The following PTER variants were observed in gnomAD, a reference collection of about 807,000 sequenced individuals.
PTER encodes N-acetyltaurine hydrolase.
In PTER, 38 loss-of-function variants were observed where a neutral mutation model predicts 29.6. The observed-to-expected ratio is 1.28, with a 90% confidence interval of 0.99 to 1.68. The LOEUF is 1.68. PTER is among the 40% of genes most tolerant of loss of function. The pLI is 0.00. For synonymous variants in PTER, 172 were observed against 154.5 expected, an observed-to-expected ratio of 1.11 and a Z score of -0.84; for missense variants, 482 against 427.8, an observed-to-expected ratio of 1.13 and a Z score of -1.12.
chr10:16,503,540 G>A (rs1836444980), intron 3 of PTER, among the ~76,000 whole-genome samples: 1 of 152,074 alleles, frequency 6.6e-6, no homozygotes, highest in Non-Finnish European at 1.5e-5. Flanking sequence ...AAGTAGCTGG[G>A]ATTACAGGCA....
intron 1 of PTER, among the ~76,000 whole-genome samples, chr10:16,440,752 G>A (rs1833821772): frequency 6.6e-6 from 1 of 152,254 alleles, no homozygotes; most frequent in African/African-American, 2.4e-5. Flanking sequence ...ATAGAGGACA[G>A]TGAGCGGAGC....
At chr10:16,514,723 A>G, downstream of PTER, 1 of 1,584,336 alleles carries the variant, frequency 6.3e-7, no homozygotes. Context: ...TGAAACAGAC[A>G]AGAATTAGGA....
chr10:16,449,963 A>G (rs1040642554), intron 1 of PTER, among the ~76,000 whole-genome samples: 3 of 152,192 alleles, frequency 2.0e-5, no homozygotes, highest in African/African-American at 7.2e-5. Flanking sequence ...AACCTTTTCT[A>G]ACACCCTGAG....
intron 3 of PTER, among the ~76,000 whole-genome samples, chr10:16,490,449 TCTC>T (rs1222707024): frequency 1.3e-5 from 2 of 151,734 alleles, no homozygotes; most frequent in East Asian, 3.9e-4. Flanking sequence ...TCCAGTCTGA[TCTC>T]CTACTCAGTT....
chr10:16,448,614 G>A (rs570471459), intron 1 of PTER, among the ~76,000 whole-genome samples: 6 of 152,224 alleles, frequency 3.9e-5, no homozygotes, highest in African/African-American at 1.4e-4. Context: ...CCATCCCCTG[G>A]CATGTAAATA....
intron 4 of PTER, among the ~76,000 whole-genome samples, chr10:16,508,580 G>A (rs1836686547): frequency 6.6e-6 from 1 of 152,036 alleles, no homozygotes; most frequent in Non-Finnish European, 1.5e-5. Context: ...GGCTCCCCCA[G>A]CATTCCTTCT....
rs779482883 is a variant in PTER, at chr10:16,484,574, G to C, written c.190G>C (p.Ala64Pro). The change falls in exon 2 of 5, where the codon GCC (alanine) becomes CCC (proline). Residue 64 changes from alanine to proline, a missense_variant. Coordinates refer to ENST00000535784, the MANE Select transcript of PTER (RefSeq NM_001261836.2). ...AAATTTATATTGGATTCAGAAAAAC[G>C]CCTATTCCCATAAAGAAAACCTTCA... is the stretch of plus-strand genomic sequence containing the variant. ...MKNLYWIQKN[A>P]YSHKENLQLN... 6.2e-7 allele frequency: 1 copy of C among 1,613,842 alleles called. No individual in the cohort carries two copies. Among genetic ancestry groups the C allele is most frequent in the East Asian group, 2.2e-5 (1 of 44,886 alleles).
At chr10:16,478,755 G>C (rs957551309) in intron 1 of PTER, among the ~76,000 whole-genome samples, 1 of 152,148 alleles carries the variant, frequency 6.6e-6, no homozygotes, top group Non-Finnish European at 1.5e-5. Context: ...CTCAACCCTG[G>C]TGACTTGAGG....
rs1475811633 is a variant in PTER at position 16,511,775 on chromosome 10, A to G, written c.*519A>G. On this transcript the variant is annotated 3_prime_UTR_variant, in exon 5 of 5. Coordinates refer to ENST00000535784, the MANE Select transcript of PTER (RefSeq NM_001261836.2). ...TTCCCCAAAGGATACTGACTGTAAT[A>G]CAATTACCAATTCACAATGATAAAA... 6.4e-6 allele frequency: 1 copy of G among 156,604 alleles called. No individual in the cohort carries two copies. The highest frequency in any genetic ancestry group is 1.4e-5 in the Non-Finnish European group (1 of 70,190). 9.7% of individuals were successfully genotyped at this position (156,604 alleles called of 1,614,324 possible).
chr10:16,514,717 A>G, downstream of PTER: 1 of 1,599,500 alleles, frequency 6.3e-7, no homozygotes, highest in Non-Finnish European at 8.5e-7. Flanking sequence ...CCTATGTGAA[A>G]CAGACAAGAA....
chr10:16,481,001 T>G (rs1272975224), intron 1 of PTER, among the ~76,000 whole-genome samples: 1 of 152,236 alleles, frequency 6.6e-6, no homozygotes, highest in Non-Finnish European at 1.5e-5. Context: ...CCTTTTATTT[T>G]TTGTCTTTAA....
downstream of PTER, among the ~76,000 whole-genome samples, chr10:16,518,410 A>C (rs73595370): frequency 0.079 from 12,069 of 152,326 alleles, 522 homozygotes; most frequent in African/African-American, 0.098. Flanking sequence ...CAATGAAAAG[A>C]CTTATACATT....
rs138657593 is a variant in PTER, at chr10:16,473,347, C to G, written c.-48-10990C>G. On this transcript the variant is annotated intron_variant, in intron 1 of 4. Transcript: ENST00000535784. ...CATGATATATTCATTATGAGTCCTC[C>G]TCTCCAGCACACCCCAGTTAGTAAG... 4.5e-4 allele frequency among the ~76,000 whole-genome samples: 68 copies of G among 151,970 alleles called. 1 individual carries two copies. Among genetic ancestry groups the G allele is most frequent in the African/African-American group, 1.6e-3 (66 of 41,440 alleles).
intron 1 of PTER, among the ~76,000 whole-genome samples, chr10:16,464,447 G>T (rs757165077): frequency 6.6e-6 from 1 of 152,134 alleles, no homozygotes; most frequent in African/African-American, 2.4e-5. Flanking sequence ...AGTTGGAGCA[G>T]GGGGGAAAAC....
At chr10:16,482,158 G>C (rs1391085753) in intron 1 of PTER, among the ~76,000 whole-genome samples, 3 of 152,166 alleles carry the variant, frequency 2.0e-5, no homozygotes, top group Admixed American at 2.0e-4. Context: ...CCTAAGTTCT[G>C]TCCAAAAGTC....
In PTER at chr10:16,512,403, T is replaced by C. The variant is rs1836849694; in HGVS notation, c.*1147T>C. 1 of 152,170 alleles carries C rather than the reference T, an allele frequency of 6.6e-6. No individual in the cohort carries two copies. Among genetic ancestry groups the C allele is most frequent in the African/African-American group, 2.4e-5 (1 of 41,454 alleles). 9.4% of individuals were successfully genotyped at this position (152,170 alleles called of 1,614,324 possible). ...CAGTTCCTCTTTGATAAATATATAG[T>C]TAATTCGAAATAAAATCCATTGCAA... On this transcript the variant is annotated 3_prime_UTR_variant, in exon 5 of 5. Transcript: ENST00000535784.
intron 1 of PTER, among the ~76,000 whole-genome samples, chr10:16,441,433 A>G (rs1303168611): frequency 6.6e-6 from 1 of 152,140 alleles, no homozygotes; most frequent in Non-Finnish European, 1.5e-5. Context: ...TTTCCTGGCT[A>G]TCTGATTTCG....
chr10:16,506,654 C>G (rs978101321), intron 4 of PTER, among the ~76,000 whole-genome samples: 2 of 152,010 alleles, frequency 1.3e-5, no homozygotes, highest in African/African-American at 4.8e-5. Context: ...GAGGGCATGA[C>G]ACAGCGATGG....
chr10:16,461,617 C>G (rs1184771447), intron 1 of PTER, among the ~76,000 whole-genome samples: 3 of 152,124 alleles, frequency 2.0e-5, no homozygotes, highest in Non-Finnish European at 4.4e-5. Context: ...AAACACTTCT[C>G]TCTGTCAGGT....
Sources: gnomAD v4.1 joint callset for allele counts (sites outside exome capture counted in the v4.1 genomes callset) on GRCh38, gnomAD v4.1.1 for gene constraint, MANE v1.5 for transcripts, NCBI Gene and HGNC (gene_info 2026-07-23, HGNC 2026-07-21) for gene names.